WWOX: variants seen among roughly 807,000 people sequenced by gnomAD.
The protein encoded by WWOX is WW domain-containing oxidoreductase.
WWOX carries 69 observed loss-of-function variants against 46.2 expected under a neutral mutation model. The observed-to-expected ratio is 1.49, with a 90% CI of 1.23 to 1.82. The LOEUF (loss-of-function observed/expected upper bound fraction) is 1.82, where lower values mean the gene tolerates loss of function less well. Among genes scored for constraint, WWOX ranks in the 40% most tolerant of loss-of-function variants. The pLI is 0.00. For missense variants in WWOX, 919 were observed against 542.6 expected (o/e 1.69, Z -6.89); for synonymous variants, 359 against 202.6 (o/e 1.77, Z -6.56).
chr16:78,366,705 A>G (rs2081543101), intron 5 of WWOX, among the ~76,000 whole-genome samples: 1 of 152,184 alleles, frequency 6.6e-6, no homozygotes, highest in South Asian at 2.1e-4. Flanking sequence ...GATACTTGAA[A>G]AATCTAAAAT....
At chr16:78,761,528 A>G (rs551821111) in intron 8 of WWOX, among the ~76,000 whole-genome samples, 1 of 151,190 alleles carries the variant, frequency 6.6e-6, no homozygotes, top group African/African-American at 2.4e-5. Context: ...CTGCTCATCT[A>G]CCCTGATAGT....
intron 6 of WWOX, among the ~76,000 whole-genome samples, chr16:78,413,952 C>T (rs993898421): frequency 2.0e-5 from 3 of 151,778 alleles, no homozygotes; most frequent in African/African-American, 7.2e-5. Flanking sequence ...ACATATACAT[C>T]CAGATGGCCT....
At chr16:78,647,542 C>T (rs978137463) in intron 8 of WWOX, among the ~76,000 whole-genome samples, 1 of 152,216 alleles carries the variant, frequency 6.6e-6, no homozygotes, top group South Asian at 2.1e-4. Context: ...TAAGCCTAAT[C>T]TCCATCTTCT....
chr16:78,651,073 G>T (rs180949790), intron 8 of WWOX, among the ~76,000 whole-genome samples: 44 of 152,374 alleles, frequency 2.9e-4, no homozygotes, highest in African/African-American at 1.0e-3. Flanking sequence ...CTGTTCAACT[G>T]TTGTATTCAC....
chr16:78,199,105 A>G lies in WWOX; in HGVS notation c.516+34816A>G, dbSNP rs546481965. Among the ~76,000 whole-genome samples, 9 of 152,242 alleles carry G rather than the reference A, an allele frequency of 5.9e-5. No individual in the cohort carries two copies. In the East Asian group the frequency reaches 1.5e-3, roughly 26 times the overall value. On this transcript the variant is annotated intron_variant, in intron 5 of 8. Transcript: ENST00000566780. ...GAGGTGGATGGATCACCAGGTCAGG[A>G]GATTGAGACCATCCTGGCTAACACG...
chr16:79,133,695 C>G (rs2049927144), intron 8 of WWOX, among the ~76,000 whole-genome samples: 1 of 152,136 alleles, frequency 6.6e-6, no homozygotes, highest in Non-Finnish European at 1.5e-5. Flanking sequence ...TATATTGTAT[C>G]AGTAATTTTA....
At chr16:78,676,372 C>T (rs777218497) in intron 8 of WWOX, among the ~76,000 whole-genome samples, 1 of 151,490 alleles carries the variant, frequency 6.6e-6, no homozygotes, top group Non-Finnish European at 1.5e-5. Context: ...GCCTTGGTAG[C>T]ATGAGCTATT....
intron 8 of WWOX, among the ~76,000 whole-genome samples, 155 bp from the exon 9 acceptor site, chr16:79,211,453 C>T (rs996362334): frequency 1.2e-4 from 18 of 152,224 alleles, no homozygotes; most frequent in African/African-American, 3.9e-4. Flanking sequence ...TTTTTACAGT[C>T]ATGTGCTTTC....
At chr16:78,395,787 T>G (rs1042034315) in intron 6 of WWOX, among the ~76,000 whole-genome samples, 8 of 152,176 alleles carry the variant, frequency 5.3e-5, no homozygotes, top group Non-Finnish European at 8.8e-5. Flanking sequence ...TTTTTTGCTA[T>G]TCTTTTGTTA....
intron 8 of WWOX, among the ~76,000 whole-genome samples, chr16:78,564,638 G>C (rs1204728316): frequency 6.6e-6 from 1 of 152,060 alleles, no homozygotes. Context: ...CCTCATATCT[G>C]AGAATATTCC....
intron 8 of WWOX, among the ~76,000 whole-genome samples, chr16:78,722,613 C>A (rs931672852): frequency 1.3e-5 from 2 of 151,746 alleles, no homozygotes; most frequent in Admixed American, 6.6e-5. Context: ...TGAGCTTATC[C>A]CCTGGTAGGT....
chr16:78,573,537 A>C (rs1007647839), intron 8 of WWOX, among the ~76,000 whole-genome samples: 16 of 152,196 alleles, frequency 1.1e-4, no homozygotes, highest in African/African-American at 3.4e-4. Flanking sequence ...CTCTGCTCAA[A>C]AACATTCAGT....
chr16:78,103,373 G>C (rs1448089315), intron 1 of WWOX, among the ~76,000 whole-genome samples: 2 of 151,574 alleles, frequency 1.3e-5, no homozygotes, highest in African/African-American at 4.9e-5. Flanking sequence ...CCATCACCTA[G>C]TTGTTCAGCC....
At chr16:78,630,915 A>C (rs1026826051) in intron 8 of WWOX, among the ~76,000 whole-genome samples, 4 of 152,190 alleles carry the variant, frequency 2.6e-5, no homozygotes, top group African/African-American at 7.2e-5. Flanking sequence ...AGATTTAACT[A>C]ATGACAGATT....
chr16:78,871,434 G>C (rs1277649563), intron 8 of WWOX, among the ~76,000 whole-genome samples: 1 of 152,194 alleles, frequency 6.6e-6, no homozygotes, highest in Admixed American at 6.5e-5. Flanking sequence ...AGGCTTCGAT[G>C]AAGCTTGTGT....
At chr16:78,684,445 T>A (rs901362219) in intron 8 of WWOX, among the ~76,000 whole-genome samples, 1 of 152,222 alleles carries the variant, frequency 6.6e-6, no homozygotes, top group Non-Finnish European at 1.5e-5. Context: ...ATGACAGCTG[T>A]GGCGTGTTGA....
At chr16:78,368,366 G>T (rs1431914781) in intron 5 of WWOX, among the ~76,000 whole-genome samples, 1 of 152,162 alleles carries the variant, frequency 6.6e-6, no homozygotes, top group South Asian at 2.1e-4. Flanking sequence ...ATGCCCTTCT[G>T]GGGGATGCTT....
At chr16:78,977,513 T>G (rs1233992712) in intron 8 of WWOX, among the ~76,000 whole-genome samples, 1 of 152,158 alleles carries the variant, frequency 6.6e-6, no homozygotes, top group African/African-American at 2.4e-5. Context: ...AATCCCACCA[T>G]AGACGCCCTC....
intron 8 of WWOX, among the ~76,000 whole-genome samples, chr16:78,521,044 C>T (rs920277978): frequency 3.9e-5 from 6 of 152,186 alleles, no homozygotes; most frequent in African/African-American, 1.2e-4. Context: ...TCTGGAAACA[C>T]ACTCCCTGAG....
Sources: allele counts gnomAD v4.1 joint callset (sites outside exome capture counted in the v4.1 genomes callset), GRCh38; gene constraint gnomAD v4.1.1; transcripts MANE v1.5; gene names NCBI Gene and HGNC (gene_info 2026-07-23, HGNC 2026-07-21).